Variants in CD58 observed in about 807,000 individuals in gnomAD.
CD58 encodes the protein lymphocyte function-associated antigen 3.
In CD58, 14 loss-of-function variants were observed where a neutral mutation model predicts 27.6. The observed-to-expected ratio is 0.51, with a 90% CI of 0.34 to 0.79. The LOEUF (loss-of-function observed/expected upper bound fraction) is 0.79, where lower values mean the gene tolerates loss of function less well. CD58 is among the 30% of genes least tolerant of loss of function. CD58 has a pLI of 0.02. For synonymous variants in CD58, 117 were observed against 103.8 expected (o/e 1.13, Z -0.77); for missense variants, 268 against 301.7 (o/e 0.89, Z 0.83).
Position 116,534,224 on chromosome 1 carries a change from C to A in CD58, c.628+1741G>T. 1 of 523,478 alleles carries A rather than the reference C, an allele frequency of 1.9e-6. No individual in the cohort carries two copies. Among genetic ancestry groups the A allele is most frequent in the Non-Finnish European group, 3.4e-6 (1 of 291,144 alleles). 32.4% of individuals were successfully genotyped at this position (523,478 alleles called of 1,614,324 possible). ...CGCACAGCTCCCAACAGCTGAGATG[C>A]AATGCCAAGGACTTTCTTCCCCATC... On this transcript the variant is annotated intron_variant, in intron 3 of 5. Transcript: ENST00000369489. The surrounding 1 kb of genome is among the most constrained non-coding windows in gnomAD (Gnocchi z 5.3).
At position 116,532,775 on chromosome 1, in the gene CD58, TAAGGAAA is replaced by T; in HGVS notation, c.628+3183_628+3189del. ...CCACTGTACACATTAAGCAAAATAA[TAAGGAAA>T]AAGGAAAAGTGAAAGTGAAAATCAT... On this transcript the variant is annotated intron_variant, in intron 3 of 5. Coordinates refer to ENST00000369489, the MANE Select transcript of CD58 (RefSeq NM_001779.3). The surrounding 1 kb of genome is among the most constrained non-coding windows in gnomAD (Gnocchi z 5.1). 6.6e-6 allele frequency among the ~76,000 whole-genome samples: 1 copy of T among 152,122 alleles called. No homozygotes were observed. The highest frequency in any genetic ancestry group is 1.5e-5 in the Non-Finnish European group (1 of 68,020).
chr1:116,552,297 T>C lies in CD58; in HGVS notation c.71-7693A>G, dbSNP rs546783116. Among the ~76,000 whole-genome samples, 1 of 152,194 alleles carries C rather than the reference T, an allele frequency of 6.6e-6. No individual in the cohort carries two copies. Among genetic ancestry groups the C allele is most frequent in the Non-Finnish European group, 1.5e-5 (1 of 68,032 alleles). ...TTTATCAATTAAGTTCACCGTCTTA[T>C]ACGCATGGTTCTTGGCATCCCAAAA... On this transcript the variant is annotated intron_variant, in intron 1 of 5. Transcript: ENST00000369489. The surrounding 1 kb of genome is among the most constrained non-coding windows in gnomAD (Gnocchi z 4.5).
intron 1 of CD58, among the ~76,000 whole-genome samples, chr1:116,566,456 T>C (rs973650856): frequency 1.3e-5 from 2 of 152,200 alleles, no homozygotes; most frequent in Non-Finnish European, 2.9e-5. Flanking sequence ...TGAGAAGCAA[T>C]GACTCTGGTA....
rs1022258403 is a variant in CD58, at chr1:116,541,718, T to A, written c.364+2593A>T. On this transcript the variant is annotated intron_variant, in intron 2 of 5. Transcript: ENST00000369489. This position sits in a 1 kb window ranked among gnomAD's most constrained non-coding sequence, Gnocchi z 5.3. ...TGTGATATTTGAAAGGCCAATTAGATGTCTGACTGGAGAGGTACACTGGGC... is the reference window on the plus strand; with the variant it reads ...TGTGATATTTGAAAGGCCAATTAGAAGTCTGACTGGAGAGGTACACTGGGC... 6.6e-6 allele frequency among the ~76,000 whole-genome samples: 1 copy of A among 152,200 alleles called. No homozygotes were observed. The highest frequency in any genetic ancestry group is 1.5e-5 in the Non-Finnish European group (1 of 68,040).
At position 116,546,037 on chromosome 1, in the gene CD58, G is replaced by A. The variant is rs773812175; in HGVS notation, c.71-1433C>T. On this transcript the variant is annotated intron_variant, in intron 1 of 5. Coordinates refer to ENST00000369489, the MANE Select transcript of CD58 (RefSeq NM_001779.3). The surrounding 1 kb of genome is among the most constrained non-coding windows in gnomAD (Gnocchi z 4.1). ...ACGAAAAGTACAAAAAATTAGCTGG[G>A]CATGGCACACACCTGTGGTCCCCAG... 6.6e-6 allele frequency among the ~76,000 whole-genome samples: 1 copy of A among 152,142 alleles called. No homozygotes were observed. The highest frequency in any genetic ancestry group is 1.5e-5 in the Non-Finnish European group (1 of 68,026).
chr1:116,524,843 G>C lies in CD58; in HGVS notation c.629-2860C>G, dbSNP rs1657380626. Among the ~76,000 whole-genome samples, 1 of 152,164 alleles carries C rather than the reference G, an allele frequency of 6.6e-6. No individual in the cohort carries two copies. The highest frequency in any genetic ancestry group is 1.5e-5 in the Non-Finnish European group (1 of 68,028). Reference sequence around the variant, plus strand: ...ACTATGTTTTGAAAACACTTGGAATGGTTCCTCTATTTGGGGTTATTCCAC... The same window carrying C: ...ACTATGTTTTGAAAACACTTGGAATCGTTCCTCTATTTGGGGTTATTCCAC... On this transcript the variant is annotated intron_variant, in intron 3 of 5. Coordinates refer to ENST00000369489, the MANE Select transcript of CD58 (RefSeq NM_001779.3). This position sits in a 1 kb window ranked among gnomAD's most constrained non-coding sequence, Gnocchi z 4.6.
rs1659116742 is a variant in CD58 at position 116,570,851 on chromosome 1, CTG to C, written c.70+50_70+51del. 4 of 1,445,368 alleles carry C rather than the reference CTG, an allele frequency of 2.8e-6. No homozygotes were observed. The highest frequency in any genetic ancestry group is 2.0e-5 in the Admixed American group (1 of 48,894). 89.5% of individuals were successfully genotyped at this position (1,445,368 alleles called of 1,614,324 possible). ...CCGGCGCGTCCACCCAGCCTGGGTG[CTG>C]CCCAGTACCCGCCGGCCGGCGCGGG... On this transcript the variant is annotated intron_variant, in intron 1 of 5. Coordinates refer to ENST00000369489, the MANE Select transcript of CD58 (RefSeq NM_001779.3). The surrounding 1 kb of genome is among the most constrained non-coding windows in gnomAD (Gnocchi z 6.4).
At chr1:116,567,222 G>C (rs1261499773) in intron 1 of CD58, among the ~76,000 whole-genome samples, 1 of 130,772 alleles carries the variant, frequency 7.6e-6, no homozygotes, top group Non-Finnish European at 1.7e-5. Context: ...GGAAGGGAGG[G>C]GGAGGGGAGG....
chr1:116,518,721 C>A, intron 5 of CD58: 7 of 990,650 alleles, frequency 7.1e-6, no homozygotes, highest in Non-Finnish European at 8.4e-6. Context: ...ATTAAACCAA[C>A]ACTGCTGCTA....
intron 2 of CD58, among the ~76,000 whole-genome samples, chr1:116,542,454 A>G (rs1658021081): frequency 6.6e-6 from 1 of 152,244 alleles, no homozygotes; most frequent in African/African-American, 2.4e-5. Flanking sequence ...GTTTTGGCAT[A>G]GCAGTGCAGA....
intron 2 of CD58, among the ~76,000 whole-genome samples, chr1:116,542,973 A>G (rs754991905): frequency 6.6e-5 from 10 of 152,226 alleles, no homozygotes; most frequent in Non-Finnish European, 1.5e-4. Flanking sequence ...AGTAACTGCT[A>G]GGAGAGTGGG....
chr1:116,534,301 G>C lies in CD58; in HGVS notation c.628+1664C>G, dbSNP rs1557835743. On this transcript the variant is annotated intron_variant, in intron 3 of 5. Coordinates refer to ENST00000369489, the MANE Select transcript of CD58 (RefSeq NM_001779.3). This position sits in a 1 kb window ranked among gnomAD's most constrained non-coding sequence, Gnocchi z 5.3. ...TACAATCAAAACCCCAGTTAGCCCA[G>C]CCTGACCCCACAGATGCTCACGATG... 1.3e-5 allele frequency among the ~76,000 whole-genome samples: 2 copies of C among 152,188 alleles called. No homozygotes were observed. The highest frequency in any genetic ancestry group is 2.9e-5 in the Non-Finnish European group (2 of 68,028).
chr1:116,542,203 G>A (rs1388879584), intron 2 of CD58, among the ~76,000 whole-genome samples: 12 of 152,304 alleles, frequency 7.9e-5, no homozygotes, highest in African/African-American at 1.7e-4. Context: ...ACTTGAACCC[G>A]GGAGGCATAG....
chr1:116,565,719 G>GTT (rs1230495315), intron 1 of CD58, among the ~76,000 whole-genome samples: 3 of 147,912 alleles, frequency 2.0e-5, no homozygotes, highest in African/African-American at 7.5e-5. Flanking sequence ...GTTTTGTTTT[G>GTT]TTTTTTTGTT....
At position 116,528,017 on chromosome 1, in the gene CD58, C is replaced by A. The variant is rs1657481717; in HGVS notation, c.629-6034G>T. 6.6e-6 allele frequency among the ~76,000 whole-genome samples: 1 copy of A among 152,156 alleles called. No homozygotes were observed. The highest frequency in any genetic ancestry group is 1.5e-5 in the Non-Finnish European group (1 of 68,024). ...GCCTCAAGCAATCCTCCCGTCTTGG[C>A]CTCACAAAGTGTTGGGATTATAGGC... On this transcript the variant is annotated intron_variant, in intron 3 of 5. Coordinates refer to ENST00000369489, the MANE Select transcript of CD58 (RefSeq NM_001779.3). The surrounding 1 kb of genome is among the most constrained non-coding windows in gnomAD (Gnocchi z 4.4).
At position 116,519,563 on chromosome 1, in the gene CD58, G is replaced by A. The variant is rs1285578972; in HGVS notation, c.707-296C>T. Among the ~76,000 whole-genome samples the A allele has an allele frequency of 2.0e-5, 3 of 152,086 alleles. No homozygotes were observed. The highest frequency in any genetic ancestry group is 4.4e-5 in the Non-Finnish European group (3 of 68,004). The stretch of plus-strand genomic sequence containing the variant: ...ATGCAGGGAAGGCTAGAATAGTTTG[G>A]ACCAGTGCTGTCCAATAGAAATATA... On this transcript the variant is annotated intron_variant, in intron 4 of 5. Coordinates refer to ENST00000369489, the MANE Select transcript of CD58 (RefSeq NM_001779.3). This position sits in a 1 kb window ranked among gnomAD's most constrained non-coding sequence, Gnocchi z 4.7.
At chr1:116,520,130 G>T (rs557554492) in intron 4 of CD58, among the ~76,000 whole-genome samples, 268 of 152,190 alleles carry the variant, frequency 1.8e-3, no homozygotes, top group Non-Finnish European at 3.3e-3. Flanking sequence ...GAGTTTTTTT[G>T]TTTGTTTGTT....
At position 116,531,168 on chromosome 1, in the gene CD58, T is replaced by C. The variant is rs1316665960; in HGVS notation, c.628+4797A>G. Among the ~76,000 whole-genome samples the C allele has an allele frequency of 6.6e-6, 1 of 152,254 alleles. No individual in the cohort carries two copies. Among genetic ancestry groups the C allele is most frequent in the Non-Finnish European group, 1.5e-5 (1 of 68,038 alleles). Reference sequence around the variant, plus strand: ...AGACTATTTACAGGGAAAGTAATCTTACTTTCAGTAAGAGTAATTTTACTT... The same window carrying C: ...AGACTATTTACAGGGAAAGTAATCTCACTTTCAGTAAGAGTAATTTTACTT... On this transcript the variant is annotated intron_variant, in intron 3 of 5. Transcript: ENST00000369489. This position sits in a 1 kb window ranked among gnomAD's most constrained non-coding sequence, Gnocchi z 4.5.
At chr1:116,525,420 T>G (rs1175813603) in intron 3 of CD58, among the ~76,000 whole-genome samples, 1 of 152,272 alleles carries the variant, frequency 6.6e-6, no homozygotes, top group African/African-American at 2.4e-5. Context: ...CACAGTTTAT[T>G]TGTCCATTCA....
Sources: gnomAD v4.1 joint callset for allele counts (sites outside exome capture counted in the v4.1 genomes callset) on GRCh38, gnomAD v4.1.1 for gene constraint, Gnocchi (gnomAD v3.1) non-coding constraint, MANE v1.5 for transcripts, NCBI Gene and HGNC (gene_info 2026-07-23, HGNC 2026-07-21) for gene names.